The following RANBP2 variants were observed in gnomAD, a reference collection of about 807,000 sequenced individuals.
The protein encoded by RANBP2 is E3 SUMO-protein ligase RanBP2.
A neutral mutation model predicts 303.6 loss-of-function variants in RANBP2; 57 were observed. The ratio of observed to expected loss-of-function variants is 0.19; its 90% confidence interval spans 0.15 to 0.23. RANBP2 has a LOEUF of 0.23. RANBP2 is among the 10% of genes least tolerant of loss of function. The probability of loss-of-function intolerance (pLI) is 1.00; values close to 1 mark genes in which losing one functional copy is unlikely to be tolerated. For missense variants in RANBP2, 3,138 were observed against 3,780.8 expected, an observed-to-expected ratio of 0.83 and a Z score of 4.46; for synonymous variants, 1,167 against 1,301.5, an observed-to-expected ratio of 0.90 and a Z score of 2.23.
the RANBP2 span, among the ~76,000 whole-genome samples, chr2:109,413,269 A>G: frequency 1.3e-5 from 2 of 152,074 alleles, no homozygotes; most frequent in Admixed American, 6.5e-5. Flanking sequence ...TGCTTGCCAC[A>G]ATGCCCAGCT....
the RANBP2 span, chr2:109,129,553 G>A: frequency 1.1e-5 from 16 of 1,494,562 alleles, no homozygotes; most frequent in Non-Finnish European, 1.4e-5. Flanking sequence ...GCTGCTCGGA[G>A]CGTCCTGGCT....
At chr2:109,127,480 A>G in the RANBP2 span, 1 of 152,260 alleles carries the variant, frequency 6.6e-6, no homozygotes, top group African/African-American at 2.4e-5. Context: ...GTGGATACAA[A>G]AATGAAAATT....
chr2:109,162,879 C>CA, the RANBP2 span, among the ~76,000 whole-genome samples: 123,443 of 151,938 alleles, frequency 0.81, 50,334 homozygotes, highest in East Asian at 0.89. Flanking sequence ...AGATGATTAC[C>CA]AAAAAAACCA....
the RANBP2 span, among the ~76,000 whole-genome samples, chr2:109,252,987 A>G: frequency 6.6e-6 from 1 of 151,972 alleles, no homozygotes; most frequent in African/African-American, 2.4e-5. Context: ...AAAATCCATC[A>G]GTTTAAATGT....
At chr2:109,032,593 GGGTGGGGGA>G in the RANBP2 span, among the ~76,000 whole-genome samples, 1 of 151,740 alleles carries the variant, frequency 6.6e-6, no homozygotes. Flanking sequence ...CCATGGGGTG[GGGTGGGGGA>G]GTCTTTCCTC....
intron 18 of RANBP2, among the ~76,000 whole-genome samples, chr2:108,761,386 A>G (rs965230954): frequency 6.6e-6 from 1 of 152,104 alleles, no homozygotes; most frequent in Non-Finnish European, 1.5e-5. Flanking sequence ...TTTTCCATGT[A>G]CAGGCATAAA....
chr2:109,295,575 A>G, the RANBP2 span, among the ~76,000 whole-genome samples: 1 of 152,200 alleles, frequency 6.6e-6, no homozygotes, highest in Non-Finnish European at 1.5e-5. Context: ...GTGGAGGGCC[A>G]GGTGGTGATC....
chr2:109,021,427 G>A, the RANBP2 span, among the ~76,000 whole-genome samples: 17 of 151,572 alleles, frequency 1.1e-4, no homozygotes, highest in Non-Finnish European at 1.6e-4. Context: ...GGAGGCTGAG[G>A]CAGGAGAATG....
the RANBP2 span, among the ~76,000 whole-genome samples, chr2:108,992,205 T>C: frequency 1.7e-4 from 26 of 152,250 alleles, no homozygotes; most frequent in Non-Finnish European, 3.4e-4. Flanking sequence ...ATCATGTTCA[T>C]GTGTTTATTC....
At chr2:109,402,083 C>T in the RANBP2 span, among the ~76,000 whole-genome samples, 1 of 152,234 alleles carries the variant, frequency 6.6e-6, no homozygotes, top group Non-Finnish European at 1.5e-5. Flanking sequence ...GAAGGGGCAC[C>T]TGGTGCAGGT....
chr2:109,327,452 A>G, the RANBP2 span, among the ~76,000 whole-genome samples: 1 of 152,276 alleles, frequency 6.6e-6, no homozygotes, highest in South Asian at 2.1e-4. Flanking sequence ...TAGCAGGGCA[A>G]GGACTTTCAC....
the RANBP2 span, among the ~76,000 whole-genome samples, chr2:109,459,390 C>T: frequency 1.3e-5 from 2 of 152,212 alleles, no homozygotes; most frequent in Admixed American, 6.5e-5. Flanking sequence ...GAAAGCGCCT[C>T]ATCTGGGCAT....
the RANBP2 span, among the ~76,000 whole-genome samples, chr2:109,055,530 T>C: frequency 6.6e-6 from 1 of 150,822 alleles, no homozygotes; most frequent in Non-Finnish European, 1.5e-5. Context: ...CCGGCTAATT[T>C]TCTTTTCTTT....
the RANBP2 span, among the ~76,000 whole-genome samples, chr2:108,979,440 C>G: frequency 1.2e-5 from 1 of 80,548 alleles, no homozygotes; most frequent in African/African-American, 3.1e-5. Context: ...CTCTCTTTCT[C>G]TCTCTCTGTC....
the RANBP2 span, among the ~76,000 whole-genome samples, chr2:109,714,474 G>A: frequency 1.3e-5 from 2 of 151,440 alleles, no homozygotes; most frequent in Non-Finnish European, 2.9e-5. Context: ...GCTAATTTTT[G>A]TATTTTTAGT....
the RANBP2 span, among the ~76,000 whole-genome samples, chr2:109,557,226 G>A: frequency 6.6e-6 from 1 of 151,998 alleles, no homozygotes; most frequent in Non-Finnish European, 1.5e-5. Flanking sequence ...ACAAACATAA[G>A]TTTTTTAAAA....
At chr2:108,772,392 T>G in intron 21 of RANBP2, 97 bp from the exon 22 acceptor site, 1 of 901,900 alleles carries the variant, frequency 1.1e-6, no homozygotes, top group Non-Finnish European at 1.8e-6. Flanking sequence ...GCAATTCAGA[T>G]GTGGAGAGTG....
the RANBP2 span, among the ~76,000 whole-genome samples, chr2:109,516,392 G>A: frequency 6.6e-6 from 1 of 152,228 alleles, no homozygotes; most frequent in Non-Finnish European, 1.5e-5. Flanking sequence ...GTTTGTAAAT[G>A]CCTGGTGCAG....
At chr2:108,853,980 T>TACA in the RANBP2 span, among the ~76,000 whole-genome samples, 1 of 12,196 alleles carries the variant, frequency 8.2e-5, no homozygotes, top group African/African-American at 1.4e-4. Context: ...ATATATAATA[T>TACA]ATAATATATA....
Sources: gnomAD v4.1 joint callset for allele counts (sites outside exome capture counted in the v4.1 genomes callset) on GRCh38, gnomAD v4.1.1 for gene constraint, MANE v1.5 for transcripts, NCBI Gene and HGNC (gene_info 2026-07-23, HGNC 2026-07-21) for gene names.